The following INPP4B variants were observed in gnomAD, a reference collection of about 807,000 sequenced individuals.
The protein encoded by INPP4B is inositol polyphosphate-4-phosphatase type II B.
INPP4B carries 55 observed loss-of-function variants against 122.5 expected under a neutral mutation model. The observed-to-expected ratio is 0.45, with a 90% CI of 0.36 to 0.56. INPP4B has a LOEUF of 0.56. Among genes scored for constraint, INPP4B ranks in the 20% least tolerant of loss-of-function variants. INPP4B has a pLI of 0.00. For synonymous variants in INPP4B, 403 were observed against 388.7 expected (o/e 1.04, Z -0.43); for missense variants, 1,000 against 1,097.7 (o/e 0.91, Z 1.26).
At chr4:142,234,162 G>T (rs558714716) in intron 12 of INPP4B, among the ~76,000 whole-genome samples, 1 of 152,210 alleles carries the variant, frequency 6.6e-6, no homozygotes, top group Non-Finnish European at 1.5e-5. Flanking sequence ...CTTCCCCTAA[G>T]AACACTTAAA....
At chr4:142,407,696 AG>A (rs1803732976) in intron 5 of INPP4B, among the ~76,000 whole-genome samples, 1 of 152,040 alleles carries the variant, frequency 6.6e-6, no homozygotes. Context: ...CTGTACCCTA[AG>A]TCTTATGCAG....
At chr4:142,191,323 A>T (rs1835732661) in intron 15 of INPP4B, among the ~76,000 whole-genome samples, 1 of 152,204 alleles carries the variant, frequency 6.6e-6, no homozygotes, top group South Asian at 2.1e-4. Flanking sequence ...ACCCAGGGAA[A>T]GCCAAAGAAC....
chr4:142,776,958 T>C (rs753771543), intron 1 of INPP4B, among the ~76,000 whole-genome samples: 4 of 152,116 alleles, frequency 2.6e-5, no homozygotes, highest in Non-Finnish European at 4.4e-5. Flanking sequence ...TTAATCTGAT[T>C]TATTCCTGAA....
chr4:142,082,326 G>T (rs558895874), intron 24 of INPP4B, 141 bp from the exon 25 acceptor site: 11 of 606,682 alleles, frequency 1.8e-5, no homozygotes, highest in Non-Finnish European at 2.6e-5. Context: ...TTGTTCAATC[G>T]GTCTCATCAA....
At chr4:142,675,455 T>C (rs2150654732) in intron 2 of INPP4B, among the ~76,000 whole-genome samples, 1 of 152,290 alleles carries the variant, frequency 6.6e-6, no homozygotes, top group South Asian at 2.1e-4. Flanking sequence ...TCTGAAACTA[T>C]TCCAAACAAC....
intron 9 of INPP4B, among the ~76,000 whole-genome samples, chr4:142,303,715 T>C (rs977448501): frequency 1.3e-5 from 2 of 152,094 alleles, no homozygotes; most frequent in African/African-American, 2.4e-5. Context: ...CATTATTTTT[T>C]CTAGAAAAGT....
intron 5 of INPP4B, chr4:142,423,855 T>C (rs557058835): frequency 1.2e-5 from 5 of 427,718 alleles, no homozygotes; most frequent in African/African-American, 6.3e-5. Flanking sequence ...TTTTATGTAC[T>C]TACCACTCTT....
Position 142,028,878 on chromosome 4 carries a change from G to A in INPP4B, c.2679C>T (p.Ile893=). ...GCRIENVLKN[I]KCRKYAFNML... is the part of the protein sequence containing the mutation. ...TGTTGAAAGCATACTTTCTGCATTTGATATTCTTCAGTACATTCTCTATGC... is the reference window on the plus strand; with the variant it reads ...TGTTGAAAGCATACTTTCTGCATTTAATATTCTTCAGTACATTCTCTATGC... The change falls in exon 26 of 26, where the codon ATC becomes ATT. Residue 893 remains isoleucine, a synonymous_variant. Coordinates refer to ENST00000262992, the MANE Select transcript of INPP4B (RefSeq NM_001101669.3). 1 of 1,613,498 alleles carries A rather than the reference G, an allele frequency of 6.2e-7. No individual in the cohort carries two copies. Among genetic ancestry groups the A allele is most frequent in the Non-Finnish European group, 8.5e-7 (1 of 1,179,620 alleles).
At chr4:142,485,367 A>C (rs1452084457) in intron 2 of INPP4B, among the ~76,000 whole-genome samples, 1 of 152,118 alleles carries the variant, frequency 6.6e-6, no homozygotes, top group Non-Finnish European at 1.5e-5. Context: ...AAAAGCAACA[A>C]ATAATGATAT....
chr4:142,638,603 G>A (rs1228205710), intron 2 of INPP4B, among the ~76,000 whole-genome samples: 1 of 148,112 alleles, frequency 6.8e-6, no homozygotes, highest in African/African-American at 2.5e-5. Flanking sequence ...GAGTGCAGTG[G>A]CATGATCTTG....
Position 142,540,241 on chromosome 4 carries a change from A to G in INPP4B, c.-190-77515T>C, listed in dbSNP as rs538444913. Reference sequence around the variant, plus strand: ...CTTGAATAATAAAATCCAGACCAAAAAGGAAAATTTTCTTTCATTTACTGA... The same window carrying G: ...CTTGAATAATAAAATCCAGACCAAAGAGGAAAATTTTCTTTCATTTACTGA... On this transcript the variant is annotated intron_variant, in intron 2 of 25. Transcript: ENST00000262992. 1.4e-4 allele frequency among the ~76,000 whole-genome samples: 21 copies of G among 152,158 alleles called. No homozygotes were observed. In the South Asian group the frequency reaches 4.4e-3, roughly 32 times the overall value.
intron 25 of INPP4B, among the ~76,000 whole-genome samples, chr4:142,048,237 A>G (rs1382361084): frequency 6.6e-6 from 1 of 152,118 alleles, no homozygotes; most frequent in Admixed American, 6.6e-5. Context: ...CAACTGTGCT[A>G]TACTTTTTTC....
chr4:142,722,952 T>C (rs1034381925), intron 2 of INPP4B, among the ~76,000 whole-genome samples: 1 of 152,146 alleles, frequency 6.6e-6, no homozygotes, highest in South Asian at 2.1e-4. Flanking sequence ...AAATATAATC[T>C]GTAATAAACC....
intron 23 of INPP4B, among the ~76,000 whole-genome samples, 173 bp downstream of exon 23, chr4:142,107,920 C>G (rs1226969344): frequency 6.6e-6 from 1 of 152,130 alleles, no homozygotes; most frequent in Non-Finnish European, 1.5e-5. Context: ...GAGAATGATG[C>G]AGGTGTTGGC....
chr4:142,531,564 T>C (rs186993233), intron 2 of INPP4B, among the ~76,000 whole-genome samples: 128 of 152,262 alleles, frequency 8.4e-4, no homozygotes, highest in Admixed American at 1.4e-3. Flanking sequence ...CTTTTCTGAG[T>C]CTATGTTGAT....
At chr4:142,693,613 T>G (rs1156310964) in intron 2 of INPP4B, among the ~76,000 whole-genome samples, 6 of 151,134 alleles carry the variant, frequency 4.0e-5, no homozygotes, top group African/African-American at 1.5e-4. Flanking sequence ...TATTTTAAAT[T>G]TATAAGCTAT....
At chr4:142,318,821 C>T (rs935263018) in intron 7 of INPP4B, among the ~76,000 whole-genome samples, 2 of 152,144 alleles carry the variant, frequency 1.3e-5, no homozygotes, top group African/African-American at 4.8e-5. Flanking sequence ...GTGGGTTATT[C>T]TCACTCTTTC....
At chr4:142,472,250 G>T (rs1444390412) in intron 2 of INPP4B, among the ~76,000 whole-genome samples, 1 of 151,252 alleles carries the variant, frequency 6.6e-6, no homozygotes, top group Non-Finnish European at 1.5e-5. Context: ...ATCTTCAGTA[G>T]CTTATAGCAT....
chr4:142,333,750 C>G (rs968092344), intron 7 of INPP4B, among the ~76,000 whole-genome samples: 1 of 151,864 alleles, frequency 6.6e-6, no homozygotes, highest in Admixed American at 6.6e-5. Flanking sequence ...GTATAATTGA[C>G]AATAAAAATT....
Sources: gnomAD v4.1 joint callset for allele counts (sites outside exome capture counted in the v4.1 genomes callset) on GRCh38, gnomAD v4.1.1 for gene constraint, MANE v1.5 for transcripts, NCBI Gene and HGNC (gene_info 2026-07-23, HGNC 2026-07-21) for gene names.